Variants in HS6ST3 observed in about 807,000 individuals in gnomAD.
The protein encoded by HS6ST3 is heparan sulfate 6-O-sulfotransferase 3, also known as heparan-sulfate 6-O-sulfotransferase 3.
HS6ST3 carries 12 observed loss-of-function variants against 36.7 expected under a neutral mutation model. The observed-to-expected ratio is 0.33, with a 90% CI of 0.21 to 0.53. The LOEUF (loss-of-function observed/expected upper bound fraction) is 0.53. Ranked by LOEUF, HS6ST3 falls within the 20% of genes least tolerant of loss-of-function variation. The pLI, the probability that HS6ST3 is intolerant of heterozygous loss-of-function variation, is 0.95. For missense variants in HS6ST3, 584 were observed against 640.9 expected (o/e 0.91, Z 0.96); for synonymous variants, 240 against 257.5 (o/e 0.93, Z 0.65).
At chr13:96,100,352 C>A (rs2053812103) in intron 1 of HS6ST3, among the ~76,000 whole-genome samples, 1 of 151,998 alleles carries the variant, frequency 6.6e-6, no homozygotes, top group African/African-American at 2.4e-5. Flanking sequence ...CAGTTCCTGG[C>A]AGCAAGCAGA....
intron 1 of HS6ST3, among the ~76,000 whole-genome samples, chr13:96,330,204 T>A (rs1227599883): frequency 2.0e-5 from 3 of 148,898 alleles, no homozygotes; most frequent in East Asian, 2.0e-4. Flanking sequence ...TATTGTTATG[T>A]GTGAATTTGA....
intron 1 of HS6ST3, among the ~76,000 whole-genome samples, chr13:96,731,825 G>A (rs977554527): frequency 4.0e-5 from 6 of 151,644 alleles, no homozygotes; most frequent in Admixed American, 3.9e-4. Context: ...CCAGCTAAAT[G>A]TTTTTATTTT....
chr13:96,224,748 A>G (rs975144952), intron 1 of HS6ST3, among the ~76,000 whole-genome samples: 1 of 152,244 alleles, frequency 6.6e-6, no homozygotes, highest in Non-Finnish European at 1.5e-5. Context: ...GTGCTTGGTC[A>G]TCGAAGGTTA....
At chr13:96,419,322 G>A (rs74794634) in intron 1 of HS6ST3, among the ~76,000 whole-genome samples, 1 of 152,162 alleles carries the variant, frequency 6.6e-6, no homozygotes, top group Non-Finnish European at 1.5e-5. Context: ...CTGCATAAAA[G>A]TGTAGGGGGG....
At chr13:96,198,192 A>G (rs998286382) in intron 1 of HS6ST3, among the ~76,000 whole-genome samples, 1 of 152,312 alleles carries the variant, frequency 6.6e-6, no homozygotes, top group East Asian at 1.9e-4. Context: ...AACGGCTGGG[A>G]CACAGGGCAC....
chr13:96,515,397 G>T (rs1285553355), intron 1 of HS6ST3, among the ~76,000 whole-genome samples: 3 of 152,198 alleles, frequency 2.0e-5, no homozygotes, highest in African/African-American at 7.2e-5. Context: ...GGCATGAGGG[G>T]ATGGCGTTGT....
chr13:96,376,834 G>A (rs1193819136), intron 1 of HS6ST3, among the ~76,000 whole-genome samples: 1 of 151,930 alleles, frequency 6.6e-6, no homozygotes, highest in Non-Finnish European at 1.5e-5. Context: ...TAAAAGTTAA[G>A]GGTGGGCAAG....
At chr13:96,560,515 T>A (rs567369637) in intron 1 of HS6ST3, among the ~76,000 whole-genome samples, 1 of 152,164 alleles carries the variant, frequency 6.6e-6, no homozygotes, top group Non-Finnish European at 1.5e-5. Context: ...TACTGGAAGT[T>A]CTTGCCAGAG....
chr13:96,504,222 GC>G (rs2056016947), intron 1 of HS6ST3, among the ~76,000 whole-genome samples: 1 of 152,134 alleles, frequency 6.6e-6, no homozygotes, highest in South Asian at 2.1e-4. Context: ...AAGTTAGGTA[GC>G]TTGCCCAAAG....
At chr13:96,495,517 TA>T (rs2055970584) in intron 1 of HS6ST3, among the ~76,000 whole-genome samples, 1 of 152,014 alleles carries the variant, frequency 6.6e-6, no homozygotes. Context: ...CACTACGGAG[TA>T]AGTGGGGAGA....
intron 1 of HS6ST3, among the ~76,000 whole-genome samples, chr13:96,445,785 T>G (rs1439382008): frequency 6.6e-6 from 1 of 151,830 alleles, no homozygotes; most frequent in Non-Finnish European, 1.5e-5. Flanking sequence ...TAAGAATCAC[T>G]TGGACCCAGG....
At chr13:96,565,890 C>A (rs2056279286) in intron 1 of HS6ST3, among the ~76,000 whole-genome samples, 1 of 151,960 alleles carries the variant, frequency 6.6e-6, no homozygotes, top group Non-Finnish European at 1.5e-5. Flanking sequence ...GAAGAGCATC[C>A]TCCATGAAAT....
intron 1 of HS6ST3, among the ~76,000 whole-genome samples, chr13:96,279,962 C>T (rs145397989): frequency 1.9e-3 from 295 of 152,200 alleles, no homozygotes; most frequent in Non-Finnish European, 1.8e-3. Context: ...TAAAAAATGG[C>T]AAGGGACTAC....
At chr13:96,690,972 T>C (rs2138445051) in intron 1 of HS6ST3, among the ~76,000 whole-genome samples, 1 of 152,232 alleles carries the variant, frequency 6.6e-6, no homozygotes, top group East Asian at 1.9e-4. Flanking sequence ...TGGCACCCAG[T>C]ACTTTCCAAT....
chr13:96,332,325 C>T (rs2055075366), intron 1 of HS6ST3, among the ~76,000 whole-genome samples: 1 of 152,156 alleles, frequency 6.6e-6, no homozygotes, highest in African/African-American at 2.4e-5. Flanking sequence ...GTATATGGCT[C>T]TTGCAGACCA....
intron 1 of HS6ST3, among the ~76,000 whole-genome samples, chr13:96,656,175 T>C (rs564606014): frequency 6.6e-6 from 1 of 152,158 alleles, no homozygotes. Context: ...GTGGTATTTG[T>C]AAAATGCAAG....
At chr13:96,777,842 C>CA (rs547665635) in intron 1 of HS6ST3, among the ~76,000 whole-genome samples, 47 of 152,066 alleles carry the variant, frequency 3.1e-4, no homozygotes, top group Middle Eastern at 3.4e-3. Flanking sequence ...TCATTTGGAA[C>CA]AAAAAAAGAG....
At position 96,337,874 on chromosome 13, in the gene HS6ST3, TAGA is replaced by T. The variant is rs543024274; in HGVS notation, c.707+246309_707+246311del. Reference sequence around the variant, plus strand: ...GAGTCTAACTTTTTAACCCAGTTTCTAGAAGATTTCCTCCTTTATCTTCCAGTC... The same window carrying T: ...GAGTCTAACTTTTTAACCCAGTTTCTAGATTTCCTCCTTTATCTTCCAGTC... On this transcript the variant is annotated intron_variant, in intron 1 of 1. Coordinates refer to ENST00000376705, the MANE Select transcript of HS6ST3 (RefSeq NM_153456.4). 2.7e-3 allele frequency among the ~76,000 whole-genome samples: 418 copies of T among 152,222 alleles called. 3 individuals are homozygous for T. The highest frequency in any genetic ancestry group is 7.5e-3 in the South Asian group (36 of 4,820).
chr13:96,236,186 A>T (rs1480289918), intron 1 of HS6ST3, among the ~76,000 whole-genome samples: 1 of 152,162 alleles, frequency 6.6e-6, no homozygotes, highest in Non-Finnish European at 1.5e-5. Flanking sequence ...TCATGCTGTT[A>T]TGCTGCTAGC....
Sources: gnomAD v4.1 joint callset for allele counts (sites outside exome capture counted in the v4.1 genomes callset) on GRCh38, gnomAD v4.1.1 for gene constraint, MANE v1.5 for transcripts, NCBI Gene and HGNC (gene_info 2026-07-23, HGNC 2026-07-21) for gene names.